Variants in ZNF786 observed in about 807,000 individuals in gnomAD.
ZNF786 encodes zinc finger protein 786.
In ZNF786, 56 loss-of-function variants were observed where a neutral mutation model predicts 63.1. The observed-to-expected ratio is 0.89, with a 90% CI of 0.72 to 1.11. The LOEUF is 1.11. Among genes scored for constraint, ZNF786 ranks in the 50% least tolerant of loss-of-function variants. ZNF786 has a pLI of 0.00. For synonymous variants in ZNF786, 485 were observed against 406.9 expected (o/e 1.19, Z -2.31); for missense variants, 1,213 against 1,041.8 (o/e 1.16, Z -2.26).
chr7:149,071,558 C>G lies in ZNF786; in HGVS notation c.1214G>C (p.Arg405Pro). ...KPFQCAHCTKRFRLRRLLQVH... is the reference protein window; with the variant it reads ...KPFQCAHCTKPFRLRRLLQVH... ...CTGCAGCAGGCGGCGCAGGCGGAAG[C>G]GCTTGGTGCAATGCGCACACTGGAA... Residue 405 changes from arginine to proline, a missense_variant, in exon 4 of 4, where the codon CGC (arginine) becomes CCC (proline). By Grantham distance (103) the Arg-to-Pro change is moderately radical. Coordinates refer to ENST00000491431, the MANE Select transcript of ZNF786 (RefSeq NM_152411.4). The G allele has an allele frequency of 3.1e-6, 5 of 1,612,592 alleles. No homozygotes were observed. Among genetic ancestry groups the G allele is most frequent in the Non-Finnish European group, 3.4e-6 (4 of 1,179,668 alleles).
At chr7:149,077,395 A>C (rs771915990) in intron 2 of ZNF786, among the ~76,000 whole-genome samples, 1 of 152,200 alleles carries the variant, frequency 6.6e-6, no homozygotes, top group Non-Finnish European at 1.5e-5. Flanking sequence ...TGGGAGGCCA[A>C]GGCGGGTGGA....
intron 1 of ZNF786, among the ~76,000 whole-genome samples, chr7:149,089,379 ATC>A (rs1825793370): frequency 2.0e-5 from 3 of 150,852 alleles, no homozygotes; most frequent in African/African-American, 7.3e-5. Flanking sequence ...CAGTGGCGCC[ATC>A]TCAGTTCGCT....
At position 149,070,440 on chromosome 7, in the gene ZNF786, C is replaced by G. The variant is rs760978174; in HGVS notation, c.2332G>C (p.Glu778Gln). ...ACTCTGCCTCAACTCCAATCGGCCT[C>G]TATCATTGCAAACAGTTGGCTGAGC... is the stretch of plus-strand genomic sequence containing the variant. ...KRLSQLFAMI[E>Q]ADWS Residue 778 changes from glutamate to glutamine, a missense_variant, in exon 4 of 4, where the codon GAG becomes CAG. By Grantham distance (29) the Glu-to-Gln change is conservative. Coordinates refer to ENST00000491431, the MANE Select transcript of ZNF786 (RefSeq NM_152411.4). The G allele has an allele frequency of 6.2e-7, 1 of 1,613,480 alleles. No homozygotes were observed. Among genetic ancestry groups the G allele is most frequent in the Non-Finnish European group, 8.5e-7 (1 of 1,179,604 alleles).
chr7:149,071,899 C>G lies in ZNF786; in HGVS notation c.873G>C (p.Gln291His). ...GGGTGCACTGGGCAGGCTTCTCCCCCTGCTGCGGGAGGCGGTGGCTGGGAT... is the reference window on the plus strand; with the variant it reads ...GGGTGCACTGGGCAGGCTTCTCCCCGTGCTGCGGGAGGCGGTGGCTGGGAT... ...LTHPSHRLPQ[Q>H]GEKPAQCTPC... The change falls in exon 4 of 4, where the codon CAG becomes CAC. Residue 291 changes from glutamine (Q) to histidine (H), a missense_variant. By Grantham distance (24) the Gln-to-His change is conservative (BLOSUM62 0). Transcript: ENST00000491431. The G allele has an allele frequency of 6.2e-7, 1 of 1,604,418 alleles. No individual in the cohort carries two copies. The highest frequency in any genetic ancestry group is 8.5e-7 in the Non-Finnish European group (1 of 1,176,666).
In ZNF786 at chr7:149,071,554, G is replaced by A. The variant is rs1825417318; in HGVS notation, c.1218C>T (p.Phe406=). The A allele has an allele frequency of 2.5e-6, 4 of 1,612,774 alleles. No individual in the cohort carries two copies. Among genetic ancestry groups the A allele is most frequent in the Non-Finnish European group, 2.5e-6 (3 of 1,179,716 alleles). The change falls in exon 4 of 4, where the codon TTC becomes TTT. Residue 406 remains phenylalanine (F), a synonymous_variant. Coordinates refer to ENST00000491431, the MANE Select transcript of ZNF786 (RefSeq NM_152411.4). ...PFQCAHCTKR[F]RLRRLLQVHQ... is the part of the protein sequence containing the mutation. ...GGACCTGCAGCAGGCGGCGCAGGCG[G>A]AAGCGCTTGGTGCAATGCGCACACT... is the stretch of plus-strand genomic sequence containing the variant.
chr7:149,083,062 AT>A (rs1432832846), intron 1 of ZNF786, among the ~76,000 whole-genome samples: 1 of 150,876 alleles, frequency 6.6e-6, no homozygotes. Context: ...CACTGGGCTA[AT>A]TTTTTTGTAT....
At chr7:149,075,314 CT>C (rs1825524342) in intron 2 of ZNF786, among the ~76,000 whole-genome samples, 1 of 152,180 alleles carries the variant, frequency 6.6e-6, no homozygotes, top group African/African-American at 2.4e-5. Flanking sequence ...ATGATCACAG[CT>C]TACTGCAGCC....
Position 149,070,543 on chromosome 7 carries a change from G to A in ZNF786, c.2229C>T (p.Tyr743=), listed in dbSNP as rs1238986771. The part of the protein sequence containing the change: ...ACGDCGKGFI[Y]KSKLAEHIRV... ...TGATGTGCTCCGCAAGCTTAGACTTGTAAATGAAGCCCTTCCCACAATCGC... is the reference window on the plus strand; with the variant it reads ...TGATGTGCTCCGCAAGCTTAGACTTATAAATGAAGCCCTTCCCACAATCGC... The change falls in exon 4 of 4, where the codon TAC becomes TAT. Residue 743 remains tyrosine (Y), a synonymous_variant. Transcript: ENST00000491431. 2.5e-6 allele frequency: 4 copies of A among 1,614,044 alleles called. No homozygotes were observed. The highest frequency in any genetic ancestry group is 2.2e-5 in the South Asian group (2 of 91,086).
Position 149,071,485 on chromosome 7 carries a change from C to T in ZNF786, c.1287G>A (p.Lys429=). 6.2e-7 allele frequency: 1 copy of T among 1,613,404 alleles called. No homozygotes were observed. Among genetic ancestry groups the T allele is most frequent in the African/African-American group, 1.3e-5 (1 of 75,038 alleles). The change falls in exon 4 of 4, where the codon AAG becomes AAA. Residue 429 remains lysine, a synonymous_variant. Transcript: ENST00000491431. ...HGGERPFSCR[K]CGKGFAKQCK... ...ACTGCTTGGCGAAGCCCTTGCCACA[C>T]TTCCTGCAGGAGAACGGTCTCTCCC... is the stretch of plus-strand genomic sequence containing the variant.
Position 149,070,212 on chromosome 7 carries a change from G to GAA in ZNF786, c.*209_*210dup, listed in dbSNP as rs371253855. 4.2e-3 allele frequency: 1,679 copies of GAA among 402,504 alleles called. No individual in the cohort carries two copies. The highest frequency in any genetic ancestry group is 6.9e-3 in the African/African-American group (281 of 40,636). 24.9% of individuals were successfully genotyped at this position (402,504 alleles called of 1,614,324 possible). A position where few individuals can be genotyped will look rare whatever the true frequency, so the allele number is the denominator to read the frequency against. On this transcript the variant is annotated 3_prime_UTR_variant, in exon 4 of 4. Transcript: ENST00000491431. ...GGTGACAGAGCAAAACTCCATCTTGGAAAAAAAAAAAAAAAAGAAAGAAAT... is the reference window on the plus strand; with the variant it reads ...GGTGACAGAGCAAAACTCCATCTTGGAAAAAAAAAAAAAAAAAAGAAAGAAAT...
intron 1 of ZNF786, chr7:149,081,202 C>T (rs1825645183): frequency 4.4e-6 from 2 of 455,230 alleles, no homozygotes; most frequent in African/African-American, 2.0e-5. Flanking sequence ...CTTTGGGAGG[C>T]TGAGGCGGGC....
rs554429694 is a variant in ZNF786, at chr7:149,074,533, C to G, written c.151G>C (p.Gly51Arg). ...NYETLVSLDD[G>R]LPKPELISWI... Reference sequence around the variant, plus strand: ...GATATTAGTTCTGGTTTTGGAAGTCCATCATCTGCACAGAGAAGTCAGACA... The same window carrying G: ...GATATTAGTTCTGGTTTTGGAAGTCGATCATCTGCACAGAGAAGTCAGACA... Residue 51 changes from glycine (G) to arginine (R), a missense_variant, in exon 3 of 4, where the codon GGA becomes CGA. By Grantham distance (125) the Gly-to-Arg change is moderately radical (BLOSUM62 -2). Transcript: ENST00000491431. 2.5e-6 allele frequency: 4 copies of G among 1,613,442 alleles called. No individual in the cohort carries two copies. In the South Asian group the frequency reaches 3.3e-5, roughly 13 times the overall value.
At chr7:149,076,499 C>T (rs1456522085) in intron 2 of ZNF786, among the ~76,000 whole-genome samples, 5 of 150,230 alleles carry the variant, frequency 3.3e-5, no homozygotes, top group South Asian at 4.2e-4. Context: ...GAGGCCGAGG[C>T]GGGAGGATGA....
At chr7:149,089,104 C>T (rs1303403768) in intron 1 of ZNF786, among the ~76,000 whole-genome samples, 3 of 151,504 alleles carry the variant, frequency 2.0e-5, no homozygotes, top group African/African-American at 4.8e-5. Context: ...CCCGCCCACA[C>T]GCCCAGCTAA....
intron 1 of ZNF786, among the ~76,000 whole-genome samples, chr7:149,086,152 T>G (rs2129516886): frequency 6.6e-6 from 1 of 152,350 alleles, no homozygotes; most frequent in East Asian, 1.9e-4. Context: ...AGTTGAGTTT[T>G]AAAAACTCTG....
chr7:149,070,606 G>A lies in ZNF786; in HGVS notation c.2166C>T (p.His722=), dbSNP rs971221896. Residue 722 remains histidine, a synonymous_variant, in exon 4 of 4, where the codon CAC becomes CAT. Transcript: ENST00000491431. ...NFRERGHMLR[H]QRIHRPERPF... The stretch of plus-strand genomic sequence containing the variant: ...GCCTCTCGGGCCTGTGGATGCGCTG[G>A]TGCCTCAGCATGTGTCCCCTTTCCC... 2 of 1,613,838 alleles carry A rather than the reference G, an allele frequency of 1.2e-6. No individual in the cohort carries two copies. The highest frequency in any genetic ancestry group is 8.5e-7 in the Non-Finnish European group (1 of 1,179,894).
At chr7:149,090,382 G>T (rs960209278) in intron 1 of ZNF786, among the ~76,000 whole-genome samples, 1 of 152,098 alleles carries the variant, frequency 6.6e-6, no homozygotes, top group Non-Finnish European at 1.5e-5. Context: ...CCCGCTCCTA[G>T]GTCGGCCTCG....
chr7:149,080,478 T>G (rs1340165009), intron 2 of ZNF786, 113 bp downstream of exon 2: 15 of 1,123,572 alleles, frequency 1.3e-5, no homozygotes, highest in Non-Finnish European at 1.8e-5. Context: ...AAAATACCCT[T>G]CTGAGTTAAT....
Position 149,072,171 on chromosome 7 carries a change from G to C in ZNF786, c.601C>G (p.His201Asp). 3 of 1,613,300 alleles carry C rather than the reference G, an allele frequency of 1.9e-6. No homozygotes were observed. Among genetic ancestry groups the C allele is most frequent in the Non-Finnish European group, 2.5e-6 (3 of 1,179,756 alleles). ...VCGESCWENN[H>D]LVMHQRGHSK... ...TGGCCTCTCTGGTGCATTACTAAAT[G>C]GTTGTTCTCCCAACAGCTTTCCCCG... The change falls in exon 4 of 4, where the codon CAT becomes GAT. Residue 201 changes from histidine (H) to aspartate (D), a missense_variant. Physicochemically the swap from His to Asp is moderately conservative, Grantham distance 81. Coordinates refer to ENST00000491431, the MANE Select transcript of ZNF786 (RefSeq NM_152411.4).
Sources: gnomAD v4.1 joint callset for allele counts (sites outside exome capture counted in the v4.1 genomes callset) on GRCh38, gnomAD v4.1.1 for gene constraint, MANE v1.5 for transcripts, NCBI Gene and HGNC (gene_info 2026-07-23, HGNC 2026-07-21) for gene names.